The following NFIB variants were observed in gnomAD, a reference collection of about 807,000 sequenced individuals.
NFIB encodes nuclear factor I B, also known as nuclear factor 1 B-type.
NFIB carries 11 observed loss-of-function variants against 61.5 expected under a neutral mutation model. The observed-to-expected ratio is 0.18, with a 90% confidence interval of 0.11 to 0.30. The LOEUF is 0.30. NFIB is among the 10% of genes least tolerant of loss of function. The pLI is 1.00. For missense variants in NFIB, 471 were observed against 608.9 expected (o/e 0.77, Z 2.38); for synonymous variants, 260 against 216.5 (o/e 1.20, Z -1.76).
the NFIB span, among the ~76,000 whole-genome samples, chr9:14,509,904 G>A: frequency 1.1e-4 from 16 of 152,096 alleles, 1 homozygote; most frequent in African/African-American, 2.9e-4. Context: ...TTTTAGTTTC[G>A]TTCAGTTTTT....
At chr9:14,497,185 A>G in the NFIB span, among the ~76,000 whole-genome samples, 3 of 152,342 alleles carry the variant, frequency 2.0e-5, no homozygotes, top group East Asian at 5.8e-4. Flanking sequence ...TCTTGTAAGA[A>G]GGCATCAATG....
chr9:14,283,881 C>A (rs2058541284), intron 2 of NFIB, among the ~76,000 whole-genome samples: 1 of 152,168 alleles, frequency 6.6e-6, no homozygotes, highest in African/African-American at 2.4e-5. Flanking sequence ...ACAATTATTT[C>A]TTTGTCTAGG....
chr9:14,322,073 A>G, intron 1 of NFIB: 1 of 673,480 alleles, frequency 1.5e-6, no homozygotes, highest in Admixed American at 1.4e-4. Flanking sequence ...TTTTGTGTTT[A>G]GTTAAAAAAA....
Position 14,085,424 on chromosome 9 carries a change from C to T in NFIB, c.*2885G>A, listed in dbSNP as rs2032703202. The stretch of plus-strand genomic sequence containing the variant: ...AAAATAAAACCAGCCTCCATTCAGC[C>T]TCTAGCCCTCAGGGGAAACGAAATC... On this transcript the variant is annotated 3_prime_UTR_variant, in exon 11 of 11. Coordinates refer to ENST00000380953, the MANE Select transcript of NFIB (RefSeq NM_001190737.2). 4.5e-6 allele frequency: 1 copy of T among 222,096 alleles called. No individual in the cohort carries two copies. Among genetic ancestry groups the T allele is most frequent in the Non-Finnish European group, 9.0e-6 (1 of 111,336 alleles). 13.8% of individuals were successfully genotyped at this position (222,096 alleles called of 1,614,324 possible).
chr9:14,346,749 C>CT (rs1467421995), intron 1 of NFIB, among the ~76,000 whole-genome samples: 1 of 152,182 alleles, frequency 6.6e-6, no homozygotes, highest in Admixed American at 6.5e-5. Context: ...TGATGGTCAC[C>CT]TGGCGGTGCG....
intron 2 of NFIB, among the ~76,000 whole-genome samples, chr9:14,242,906 T>G (rs938914370): frequency 6.6e-6 from 1 of 152,236 alleles, no homozygotes; most frequent in Non-Finnish European, 1.5e-5. Flanking sequence ...TGAATATATA[T>G]GTACTGAAAA....
chr9:14,523,714 G>T, the NFIB span, among the ~76,000 whole-genome samples: 3 of 151,880 alleles, frequency 2.0e-5, no homozygotes, highest in Non-Finnish European at 4.4e-5. Flanking sequence ...TAACTTATTA[G>T]ACCCCTGAAC....
intron 10 of NFIB, among the ~76,000 whole-genome samples, chr9:14,097,970 C>G (rs1220118259): frequency 7.0e-6 from 1 of 143,768 alleles, no homozygotes; most frequent in Non-Finnish European, 1.5e-5. Flanking sequence ...TCAAGCAACT[C>G]TCTAGAATTG....
chr9:14,530,016 T>A, the NFIB span, among the ~76,000 whole-genome samples: 1 of 152,204 alleles, frequency 6.6e-6, no homozygotes, highest in African/African-American at 2.4e-5. Flanking sequence ...ATATTAATAG[T>A]GATTGGCTTA....
At chr9:14,161,001 T>A (rs1304394575) in intron 3 of NFIB, among the ~76,000 whole-genome samples, 5 of 152,132 alleles carry the variant, frequency 3.3e-5, no homozygotes, top group Non-Finnish European at 7.4e-5. Flanking sequence ...TTTCCAGCCC[T>A]ATGATTGCAA....
intron 1 of NFIB, chr9:14,357,273 A>G (rs927824738): frequency 3.9e-5 from 6 of 152,142 alleles, no homozygotes; most frequent in South Asian, 2.1e-4. Context: ...CCCAAACCCC[A>G]TGACTCTGAT....
the NFIB span, among the ~76,000 whole-genome samples, chr9:14,526,937 C>T: frequency 1.3e-5 from 2 of 152,134 alleles, no homozygotes; most frequent in African/African-American, 2.4e-5. Context: ...AATTAATAAC[C>T]ATCTAATCAC....
chr9:14,422,079 G>C, the NFIB span, among the ~76,000 whole-genome samples: 18 of 152,252 alleles, frequency 1.2e-4, no homozygotes, highest in East Asian at 3.5e-3. Context: ...CATATAAACA[G>C]GCTAGTGTTA....
chr9:14,229,118 C>T (rs1341019489), intron 2 of NFIB, among the ~76,000 whole-genome samples: 4 of 151,790 alleles, frequency 2.6e-5, no homozygotes, highest in African/African-American at 7.3e-5. Flanking sequence ...CAACTACATA[C>T]GATTTCATTT....
intron 2 of NFIB, among the ~76,000 whole-genome samples, chr9:14,232,696 T>C (rs867087262): frequency 6.6e-6 from 1 of 152,224 alleles, no homozygotes; most frequent in African/African-American, 2.4e-5. Flanking sequence ...AACTTTCAAA[T>C]GAGAAATTTA....
chr9:14,321,222 G>A (rs1588305811), intron 1 of NFIB, among the ~76,000 whole-genome samples: 1 of 152,046 alleles, frequency 6.6e-6, no homozygotes, highest in East Asian at 1.9e-4. Flanking sequence ...AGGAGAACGA[G>A]AGATAGAGAC....
upstream of NFIB, among the ~76,000 whole-genome samples, chr9:14,317,791 G>C (rs1419663661): frequency 6.6e-6 from 1 of 152,166 alleles, no homozygotes; most frequent in Non-Finnish European, 1.5e-5. Context: ...GGGATGCCTG[G>C]CTTCTCTTAA....
chr9:14,487,731 C>A, the NFIB span, among the ~76,000 whole-genome samples: 1 of 152,232 alleles, frequency 6.6e-6, no homozygotes, highest in Non-Finnish European at 1.5e-5. Context: ...AACGCAGCAG[C>A]CAGCACCATG....
intron 1 of NFIB, among the ~76,000 whole-genome samples, chr9:14,343,008 G>A (rs535040926): frequency 3.9e-5 from 6 of 152,088 alleles, no homozygotes; most frequent in Non-Finnish European, 5.9e-5. Context: ...TGAGGCCAAC[G>A]GAAATAATTT....
Sources: gnomAD v4.1 joint callset for allele counts (sites outside exome capture counted in the v4.1 genomes callset) on GRCh38, gnomAD v4.1.1 for gene constraint, MANE v1.5 for transcripts, NCBI Gene and HGNC (gene_info 2026-07-23, HGNC 2026-07-21) for gene names.